UNC13C: variants seen among roughly 807,000 people sequenced by gnomAD.
UNC13C encodes the protein protein unc-13 homolog C.
A neutral mutation model predicts 245.4 loss-of-function variants in UNC13C; 174 were observed. The observed-to-expected ratio is 0.71, with a 90% CI of 0.63 to 0.80. UNC13C has a LOEUF of 0.80. UNC13C is among the 30% of genes least tolerant of loss of function. The pLI is 0.00. For missense variants in UNC13C, 2,829 were observed against 2,602.9 expected (o/e 1.09, Z -1.89); for synonymous variants, 992 against 895.1 (o/e 1.11, Z -1.93).
intron 17 of UNC13C, among the ~76,000 whole-genome samples, chr15:54,379,777 GT>G (rs2039681341): frequency 1.3e-5 from 2 of 152,086 alleles, no homozygotes; most frequent in Non-Finnish European, 2.9e-5. Context: ...TTCCACATAC[GT>G]TTCTTTTACA....
intron 16 of UNC13C, among the ~76,000 whole-genome samples, chr15:54,336,576 G>A (rs540656653): frequency 6.6e-6 from 1 of 151,388 alleles, no homozygotes; most frequent in African/African-American, 2.4e-5. Context: ...TAAAAGATTG[G>A]TTTTACCTTT....
At chr15:53,974,075 A>T (rs1893623867), upstream of UNC13C, among the ~76,000 whole-genome samples, 1 of 152,336 alleles carries the variant, frequency 6.6e-6, no homozygotes, top group African/African-American at 2.4e-5. Context: ...CTGTTTCATC[A>T]TTACAATATG....
intron 4 of UNC13C, among the ~76,000 whole-genome samples, chr15:54,203,644 T>G (rs538638757): frequency 6.7e-6 from 1 of 148,822 alleles, no homozygotes; most frequent in African/African-American, 2.4e-5. Context: ...AATGGAATAC[T>G]ACTCAGTCAT....
At chr15:54,433,948 A>G (rs1426651762) in intron 19 of UNC13C, among the ~76,000 whole-genome samples, 4 of 152,142 alleles carry the variant, frequency 2.6e-5, no homozygotes, top group African/African-American at 9.7e-5. Flanking sequence ...ATAGACAAGT[A>G]GAGAGCCAAG....
chr15:54,625,763 T>C (rs1033284271), intron 32 of UNC13C, among the ~76,000 whole-genome samples: 1 of 152,030 alleles, frequency 6.6e-6, no homozygotes, highest in Non-Finnish European at 1.5e-5. Context: ...TCACATTCCC[T>C]GCCAATAAAC....
chr15:54,000,964 T>A (rs56787507), intron 1 of UNC13C, among the ~76,000 whole-genome samples: 3 of 152,228 alleles, frequency 2.0e-5, no homozygotes, highest in South Asian at 2.1e-4. Flanking sequence ...TACAAAAAAA[T>A]TTTTTTAGTT....
At chr15:53,970,829 C>T in the UNC13C span, among the ~76,000 whole-genome samples, 1 of 152,162 alleles carries the variant, frequency 6.6e-6, no homozygotes, top group Admixed American at 6.5e-5. Flanking sequence ...GATGCTGGAA[C>T]TTAAAAGTTG....
intron 11 of UNC13C, among the ~76,000 whole-genome samples, chr15:54,295,823 T>C (rs545804785): frequency 1.4e-4 from 21 of 152,320 alleles, no homozygotes; most frequent in Non-Finnish European, 2.9e-4. Context: ...AACGCAATAT[T>C]GTAAGTCTTT....
intron 4 of UNC13C, among the ~76,000 whole-genome samples, chr15:54,224,124 T>G (rs977554362): frequency 6.6e-6 from 1 of 152,096 alleles, no homozygotes; most frequent in Non-Finnish European, 1.5e-5. Flanking sequence ...TAGTTGCACT[T>G]TATATCTTTT....
chr15:53,987,683 G>A (rs1383862336), intron 1 of UNC13C, among the ~76,000 whole-genome samples: 2 of 151,950 alleles, frequency 1.3e-5, no homozygotes, highest in African/African-American at 4.8e-5. Context: ...GGACTGTCAT[G>A]GACAACAGCA....
chr15:53,906,176 A>G, the UNC13C span, among the ~76,000 whole-genome samples: 1 of 152,030 alleles, frequency 6.6e-6, no homozygotes, highest in Non-Finnish European at 1.5e-5. Context: ...CCTACAAAAA[A>G]TTAGGTGGGC....
chr15:53,872,819 G>A, the UNC13C span, among the ~76,000 whole-genome samples: 1 of 152,106 alleles, frequency 6.6e-6, no homozygotes, highest in Non-Finnish European at 1.5e-5. Context: ...ATCCTTCTAG[G>A]CTGGTTATAA....
intron 18 of UNC13C, among the ~76,000 whole-genome samples, chr15:54,407,813 T>C (rs2040328108): frequency 6.6e-6 from 1 of 152,010 alleles, no homozygotes; most frequent in South Asian, 2.1e-4. Context: ...CTGTAAATAT[T>C]TTGAGGAAAA....
At chr15:54,144,555 G>C (rs948455283) in intron 4 of UNC13C, among the ~76,000 whole-genome samples, 1 of 152,184 alleles carries the variant, frequency 6.6e-6, no homozygotes, top group Non-Finnish European at 1.5e-5. Flanking sequence ...CAGACAGCTA[G>C]TGAGTGACAA....
intron 4 of UNC13C, among the ~76,000 whole-genome samples, chr15:54,173,938 A>T (rs1238373002): frequency 6.6e-6 from 1 of 152,120 alleles, no homozygotes; most frequent in Non-Finnish European, 1.5e-5. Context: ...TGCCATTTAT[A>T]TATCCATTGA....
intron 2 of UNC13C, among the ~76,000 whole-genome samples, chr15:54,110,534 C>T (rs1278740939): frequency 1.3e-5 from 2 of 152,098 alleles, no homozygotes; most frequent in Non-Finnish European, 2.9e-5. Context: ...AGGAATAAAA[C>T]AATGCATTTT....
intron 28 of UNC13C, among the ~76,000 whole-genome samples, chr15:54,554,348 A>G (rs1374783896): frequency 1.3e-5 from 2 of 152,080 alleles, no homozygotes; most frequent in Non-Finnish European, 2.9e-5. Context: ...TGCATTATGC[A>G]AAAATGCATA....
chr15:54,095,066 A>G (rs1241637291), intron 2 of UNC13C, among the ~76,000 whole-genome samples: 1 of 152,186 alleles, frequency 6.6e-6, no homozygotes, highest in East Asian at 1.9e-4. Context: ...CATTTCTTCC[A>G]TGGAAAATAA....
chr15:54,006,499 A>G (rs1245332028), intron 1 of UNC13C, among the ~76,000 whole-genome samples: 3 of 152,174 alleles, frequency 2.0e-5, no homozygotes, highest in Non-Finnish European at 2.9e-5. Context: ...AAGGCAAAAA[A>G]CTAACAGTTC....
Sources: allele counts gnomAD v4.1 joint callset (sites outside exome capture counted in the v4.1 genomes callset), GRCh38; gene constraint gnomAD v4.1.1; transcripts MANE v1.5; gene names NCBI Gene and HGNC (gene_info 2026-07-23, HGNC 2026-07-21).